RBFOX1: variants seen among roughly 807,000 people sequenced by gnomAD.
RBFOX1 encodes RNA binding fox-1 homolog 1, also known as RNA binding protein fox-1 homolog 1.
A neutral mutation model predicts 57.7 loss-of-function variants in RBFOX1; 8 were observed. That is an observed-to-expected ratio of 0.14 (90% CI 0.08 to 0.25). The LOEUF is 0.25. Among genes scored for constraint, RBFOX1 ranks in the 10% least tolerant of loss-of-function variants. The pLI is 1.00. For synonymous variants in RBFOX1, 326 were observed against 222.4 expected (o/e 1.47, Z -4.15); for missense variants, 611 against 548.5 (o/e 1.11, Z -1.14).
intron 2 of RBFOX1, among the ~76,000 whole-genome samples, chr16:6,374,351 A>G (rs2090893281): frequency 6.6e-6 from 1 of 152,228 alleles, no homozygotes; most frequent in African/African-American, 2.4e-5. Flanking sequence ...GCTAGAAAGA[A>G]TTCCTTTACT....
At chr16:7,343,645 A>G (rs757683077) in intron 4 of RBFOX1, among the ~76,000 whole-genome samples, 7 of 152,132 alleles carry the variant, frequency 4.6e-5, no homozygotes, top group African/African-American at 1.7e-4. Context: ...GAGGGGTTTC[A>G]CTTGTCGTAC....
chr16:7,120,891 T>A (rs2067027993), intron 4 of RBFOX1, among the ~76,000 whole-genome samples: 1 of 111,110 alleles, frequency 9.0e-6, no homozygotes, highest in South Asian at 2.8e-4. Context: ...ATACATATAA[T>A]ACAGAAAAAT....
At chr16:6,080,016 A>T (rs1312733505) in intron 1 of RBFOX1, among the ~76,000 whole-genome samples, 2 of 152,170 alleles carry the variant, frequency 1.3e-5, no homozygotes, top group African/African-American at 4.8e-5. Flanking sequence ...CAATCCTCCT[A>T]AGTTCTGGGA....
chr16:7,379,763 T>G (rs1411027352), intron 4 of RBFOX1, among the ~76,000 whole-genome samples: 8 of 151,210 alleles, frequency 5.3e-5, no homozygotes, highest in Non-Finnish European at 1.2e-4. Flanking sequence ...CCTGCCTGCC[T>G]GCCTTCCTGC....
At chr16:7,030,912 A>G (rs11077124) in intron 3 of RBFOX1, among the ~76,000 whole-genome samples, 89,207 of 152,146 alleles carry the variant, frequency 0.59, 26,849 homozygotes, top group South Asian at 0.77. Context: ...GTCATTTGAC[A>G]AAGAGTGGAA....
At chr16:6,851,926 G>GTTTTTTT (rs71147610) in intron 3 of RBFOX1, among the ~76,000 whole-genome samples, 3 of 143,592 alleles carry the variant, frequency 2.1e-5, no homozygotes, top group Non-Finnish European at 1.5e-5. Flanking sequence ...TTTCCATTGG[G>GTTTTTTT]TTTTTTTTTT....
intron 5 of RBFOX1, among the ~76,000 whole-genome samples, chr16:7,551,623 C>G (rs888039680): frequency 6.6e-6 from 1 of 152,106 alleles, no homozygotes; most frequent in Non-Finnish European, 1.5e-5. Flanking sequence ...AAGGGTAATG[C>G]AGTGGAATAC....
At chr16:7,666,323 G>T (rs1597622465) in intron 13 of RBFOX1, among the ~76,000 whole-genome samples, 1 of 151,888 alleles carries the variant, frequency 6.6e-6, no homozygotes, top group East Asian at 1.9e-4. Context: ...AATAGACAAG[G>T]GATAGAGAAA....
chr16:7,085,175 G>T (rs58132590), intron 4 of RBFOX1, among the ~76,000 whole-genome samples: 8,066 of 152,010 alleles, frequency 0.053, 708 homozygotes, highest in African/African-American at 0.18. Context: ...TGCCTCCAAG[G>T]GCCAGGCCTA....
At chr16:5,305,887 T>A (rs1015513796) in intron 1 of RBFOX1, among the ~76,000 whole-genome samples, 1 of 151,900 alleles carries the variant, frequency 6.6e-6, no homozygotes, top group Non-Finnish European at 1.5e-5. Context: ...TGAGACCCCA[T>A]CTGTACAAAA....
chr16:6,539,093 C>T (rs971241367), intron 2 of RBFOX1, among the ~76,000 whole-genome samples: 1 of 151,226 alleles, frequency 6.6e-6, no homozygotes, highest in Admixed American at 6.6e-5. Context: ...TCCTTTGACC[C>T]TGGCAGAAAG....
At chr16:5,808,544 C>T (rs1415805758) in intron 3 of RBFOX1, among the ~76,000 whole-genome samples, 33 of 152,264 alleles carry the variant, frequency 2.2e-4, no homozygotes, top group Non-Finnish European at 4.0e-4. Flanking sequence ...ATTCTTCCTA[C>T]CCATGATCAT....
At chr16:5,349,820 C>T (rs1243725126) in intron 1 of RBFOX1, among the ~76,000 whole-genome samples, 2 of 152,264 alleles carry the variant, frequency 1.3e-5, no homozygotes, top group Admixed American at 6.5e-5. Context: ...CCTTGGCCCA[C>T]GCCCTGCTCT....
chr16:7,649,311 A>G (rs1438644472), intron 11 of RBFOX1, among the ~76,000 whole-genome samples: 3 of 152,098 alleles, frequency 2.0e-5, no homozygotes, highest in Admixed American at 6.5e-5. Context: ...AAGAATCAAT[A>G]TTATCTTTAA....
intron 9 of RBFOX1, among the ~76,000 whole-genome samples, chr16:7,597,995 G>T (rs1052033654): frequency 1.3e-5 from 2 of 152,098 alleles, no homozygotes; most frequent in African/African-American, 4.8e-5. Context: ...TTGTATTACA[G>T]ACCCCATCAG....
At chr16:6,680,236 G>C (rs1165320372) in intron 3 of RBFOX1, among the ~76,000 whole-genome samples, 2 of 149,398 alleles carry the variant, frequency 1.3e-5, no homozygotes, top group African/African-American at 4.9e-5. Flanking sequence ...TTTTTACTAT[G>C]AGTATGATTC....
chr16:6,148,014 A>G (rs2096771340), intron 1 of RBFOX1, among the ~76,000 whole-genome samples: 1 of 152,200 alleles, frequency 6.6e-6, no homozygotes, highest in Non-Finnish European at 1.5e-5. Context: ...CCTTTGGCAG[A>G]AGCCAAAGGC....
chr16:5,770,129 T>A (rs2053928007), intron 3 of RBFOX1, among the ~76,000 whole-genome samples: 1 of 152,120 alleles, frequency 6.6e-6, no homozygotes, highest in Non-Finnish European at 1.5e-5. Flanking sequence ...GGGTGTATAT[T>A]AATGTTTGAA....
rs563728230 is a variant in RBFOX1 at position 7,204,626 on chromosome 16, A to G, written c.27+152528A>G. ...GTGCCATTGGACTTCAGCCTGGGCA[A>G]CAGAACAAGACTGTGTCTTAAGAAA... On this transcript the variant is annotated intron_variant, in intron 4 of 15. Transcript: ENST00000550418. Among the ~76,000 whole-genome samples, 112 of 152,320 alleles carry G rather than the reference A, an allele frequency of 7.4e-4. 1 individual carries two copies. Among genetic ancestry groups the G allele is most frequent in the African/African-American group, 2.6e-3 (107 of 41,556 alleles).
Sources: allele counts gnomAD v4.1 joint callset (sites outside exome capture counted in the v4.1 genomes callset), GRCh38; gene constraint gnomAD v4.1.1; transcripts MANE v1.5; gene names NCBI Gene and HGNC (gene_info 2026-07-23, HGNC 2026-07-21).